LRRC4C: variants seen among roughly 807,000 people sequenced by gnomAD.
LRRC4C encodes leucine rich repeat containing 4C.
Under a neutral mutation model 33.6 loss-of-function variants are expected in LRRC4C, and 5 were observed. The observed-to-expected ratio is 0.15, with a 90% CI of 0.08 to 0.31. The LOEUF (loss-of-function observed/expected upper bound fraction) is 0.31, where lower values mean the gene tolerates loss of function less well. Ranked by LOEUF, LRRC4C falls within the 10% of genes least tolerant of loss-of-function variation. LRRC4C has a pLI of 1.00. For missense variants in LRRC4C, 560 were observed against 796.7 expected (o/e 0.70, Z 3.58); for synonymous variants, 329 against 302.0 (o/e 1.09, Z -0.93).
intron 3 of LRRC4C, among the ~76,000 whole-genome samples, chr11:40,349,251 ACT>A (rs1947273847): frequency 6.6e-6 from 1 of 151,982 alleles, no homozygotes; most frequent in South Asian, 2.1e-4. Flanking sequence ...CCATCATTCT[ACT>A]CTCTATCTCC....
intron 1 of LRRC4C, among the ~76,000 whole-genome samples, chr11:41,003,226 A>T (rs1854507242): frequency 6.6e-6 from 1 of 152,184 alleles, no homozygotes; most frequent in Non-Finnish European, 1.5e-5. Flanking sequence ...TTAATTTTTA[A>T]ATACCATTTT....
intron 3 of LRRC4C, among the ~76,000 whole-genome samples, chr11:40,338,647 T>C (rs1946735527): frequency 6.6e-6 from 1 of 152,216 alleles, no homozygotes. Flanking sequence ...CTTCTTTTGG[T>C]AATATTCTCA....
intron 1 of LRRC4C, among the ~76,000 whole-genome samples, chr11:41,452,198 C>A (rs1956049100): frequency 6.6e-6 from 1 of 151,996 alleles, no homozygotes; most frequent in Non-Finnish European, 1.5e-5. Context: ...AAAAAATGTA[C>A]ACCCTGCACC....
intron 1 of LRRC4C, among the ~76,000 whole-genome samples, chr11:41,147,963 A>G (rs1206352348): frequency 6.6e-6 from 1 of 152,068 alleles, no homozygotes; most frequent in Non-Finnish European, 1.5e-5. Context: ...GTGGTGGCAC[A>G]TGCCTGTATT....
At chr11:40,278,636 T>C (rs1943272309) in intron 4 of LRRC4C, among the ~76,000 whole-genome samples, 1 of 152,210 alleles carries the variant, frequency 6.6e-6, no homozygotes, top group South Asian at 2.1e-4. Context: ...GACGATTTGC[T>C]GGAAGAACAA....
At chr11:40,958,961 G>A (rs1057219870) in intron 1 of LRRC4C, among the ~76,000 whole-genome samples, 3 of 151,648 alleles carry the variant, frequency 2.0e-5, no homozygotes, top group Non-Finnish European at 3.0e-5. Flanking sequence ...TTATTCTGGT[G>A]GTGTTCTGCC....
chr11:40,588,757 G>C (rs1267022283), intron 3 of LRRC4C, among the ~76,000 whole-genome samples: 2 of 152,286 alleles, frequency 1.3e-5, no homozygotes, highest in East Asian at 3.9e-4. Flanking sequence ...TCAGGAGCAG[G>C]TTGTTCAGTT....
intron 2 of LRRC4C, among the ~76,000 whole-genome samples, chr11:40,769,157 A>T (rs1254719020): frequency 6.7e-6 from 1 of 148,572 alleles, no homozygotes; most frequent in South Asian, 2.1e-4. Context: ...ATCAACATAC[A>T]AAGTGAGTAA....
intron 2 of LRRC4C, among the ~76,000 whole-genome samples, chr11:40,776,323 TA>T (rs1949994132): frequency 6.6e-6 from 1 of 152,028 alleles, no homozygotes; most frequent in Non-Finnish European, 1.5e-5. Flanking sequence ...CTCTTCTCTG[TA>T]TGTCTTATAG....
chr11:40,180,662 G>A (rs949086313), intron 5 of LRRC4C, among the ~76,000 whole-genome samples: 3 of 152,128 alleles, frequency 2.0e-5, no homozygotes, highest in Non-Finnish European at 4.4e-5. Context: ...CTTCTTTTGT[G>A]TCTGTTACTG....
intron 3 of LRRC4C, among the ~76,000 whole-genome samples, chr11:40,519,978 T>C (rs972536396): frequency 6.6e-6 from 1 of 152,176 alleles, no homozygotes; most frequent in African/African-American, 2.4e-5. Context: ...AGGACTTTCA[T>C]GATACAGAGA....
chr11:40,472,668 A>T (rs944417592), intron 3 of LRRC4C, among the ~76,000 whole-genome samples: 2 of 151,920 alleles, frequency 1.3e-5, no homozygotes. Flanking sequence ...CAATGAATCC[A>T]GGAGCTGGTT....
At chr11:40,190,664 TG>T (rs1234028948) in intron 5 of LRRC4C, among the ~76,000 whole-genome samples, 3 of 152,178 alleles carry the variant, frequency 2.0e-5, no homozygotes, top group East Asian at 1.9e-4. Flanking sequence ...GAAATGGGGC[TG>T]GGGGGGATTT....
chr11:40,989,579 T>A (rs1853352343), intron 1 of LRRC4C, among the ~76,000 whole-genome samples: 5 of 152,194 alleles, frequency 3.3e-5, no homozygotes, highest in Admixed American at 3.3e-4. Context: ...GATTTATACA[T>A]AACATTCTGG....
At chr11:40,411,503 T>C (rs940691500) in intron 3 of LRRC4C, among the ~76,000 whole-genome samples, 1 of 152,124 alleles carries the variant, frequency 6.6e-6, no homozygotes, top group Non-Finnish European at 1.5e-5. Context: ...GGAATGTATT[T>C]ATTTCTTCTT....
chr11:41,172,686 T>C (rs896283067), intron 1 of LRRC4C, among the ~76,000 whole-genome samples: 2 of 152,170 alleles, frequency 1.3e-5, no homozygotes, highest in African/African-American at 4.8e-5. Flanking sequence ...CTAAACATCG[T>C]GCCTATGGGA....
At chr11:40,784,507 T>C (rs928970289) in intron 2 of LRRC4C, among the ~76,000 whole-genome samples, 4 of 152,208 alleles carry the variant, frequency 2.6e-5, no homozygotes, top group African/African-American at 9.6e-5. Context: ...CTATATTTAA[T>C]CAAGCAATGA....
At chr11:40,193,826 C>T (rs1862040077) in intron 5 of LRRC4C, among the ~76,000 whole-genome samples, 1 of 151,960 alleles carries the variant, frequency 6.6e-6, no homozygotes, top group African/African-American at 2.4e-5. Context: ...GTATCAATAG[C>T]TGAATCGATC....
At chr11:40,134,726 T>C (rs1471595646) in intron 6 of LRRC4C, among the ~76,000 whole-genome samples, 2 of 152,222 alleles carry the variant, frequency 1.3e-5, no homozygotes, top group Non-Finnish European at 2.9e-5. Context: ...GAATCCTTAA[T>C]ATGTGATACT....
Sources: allele counts gnomAD v4.1 joint callset (sites outside exome capture counted in the v4.1 genomes callset), GRCh38; gene constraint gnomAD v4.1.1; transcripts MANE v1.5; gene names NCBI Gene and HGNC (gene_info 2026-07-23, HGNC 2026-07-21).